The following SH3D19 variants were observed in gnomAD, a reference collection of about 807,000 sequenced individuals.
The protein encoded by SH3D19 is SH3 domain containing 19, also known as SH3 domain-containing protein 19.
In SH3D19, 58 loss-of-function variants were observed where a neutral mutation model predicts 112.1. That is an observed-to-expected ratio of 0.52 (90% CI 0.42 to 0.64). The LOEUF is 0.64. Ranked by LOEUF, SH3D19 falls within the 30% of genes least tolerant of loss-of-function variation. The pLI is 0.00. For missense variants in SH3D19, 1,090 were observed against 1,263.4 expected, an observed-to-expected ratio of 0.86 and a Z score of 2.08; for synonymous variants, 391 against 448.5, an observed-to-expected ratio of 0.87 and a Z score of 1.62.
intron 1 of SH3D19, among the ~76,000 whole-genome samples, chr4:151,313,888 T>G (rs989609300): frequency 6.6e-6 from 1 of 152,036 alleles, no homozygotes; most frequent in Non-Finnish European, 1.5e-5. Context: ...GGCCTTCGAG[T>G]GTTATGTGAA....
chr4:151,256,394 G>C (rs1255752828), intron 1 of SH3D19, among the ~76,000 whole-genome samples: 1 of 152,190 alleles, frequency 6.6e-6, no homozygotes, highest in Non-Finnish European at 1.5e-5. Context: ...TTTGAAAGAG[G>C]AAAGAGACAT....
At chr4:151,168,147 A>T (rs905817393) in intron 7 of SH3D19, among the ~76,000 whole-genome samples, 2 of 152,206 alleles carry the variant, frequency 1.3e-5, no homozygotes, top group African/African-American at 4.8e-5. Flanking sequence ...AATACATGTA[A>T]CAGATAAGCA....
At chr4:151,310,579 T>TC (rs1426184056) in intron 1 of SH3D19, among the ~76,000 whole-genome samples, 1 of 149,206 alleles carries the variant, frequency 6.7e-6, no homozygotes, top group African/African-American at 2.5e-5. Context: ...TCTCTCTCTC[T>TC]CTTTTTTTTT....
In SH3D19 at chr4:151,175,318, T is replaced by C; in HGVS notation, c.886A>G (p.Arg296Gly). 1.2e-6 allele frequency: 2 copies of C among 1,613,826 alleles called. No individual in the cohort carries two copies. The highest frequency in any genetic ancestry group is 1.7e-6 in the Non-Finnish European group (2 of 1,179,920). ...TEQSQNSIVS[R>G]IKVFEGQTNI... ...GTCTGACCCTCAAACACTTTAATTC[T>C]GGAAACAATACTATTTTGGCTTTGT... Residue 296 changes from arginine (R) to glycine (G), a missense_variant, in exon 7 of 20, where the codon AGA becomes GGA. By Grantham distance (125) the Arg-to-Gly change is moderately radical. Transcript: ENST00000604030.
chr4:151,191,732 A>G (rs2407424), intron 2 of SH3D19, among the ~76,000 whole-genome samples: 130,198 of 151,418 alleles, frequency 0.86, 56,729 homozygotes, highest in Non-Finnish European at 0.95. Flanking sequence ...TGCAAGCTTC[A>G]CCTCCCAGGT....
At chr4:151,310,243 G>A (rs1349947911) in intron 1 of SH3D19, among the ~76,000 whole-genome samples, 1 of 150,734 alleles carries the variant, frequency 6.6e-6, no homozygotes, top group African/African-American at 2.4e-5. Flanking sequence ...TACTGGTGGT[G>A]CACACCTGTA....
intron 1 of SH3D19, among the ~76,000 whole-genome samples, chr4:151,307,394 T>G (rs1729027421): frequency 6.6e-6 from 1 of 152,206 alleles, no homozygotes; most frequent in Non-Finnish European, 1.5e-5. Context: ...TGGCCAAATA[T>G]CCAAATCTAC....
intron 9 of SH3D19, among the ~76,000 whole-genome samples, chr4:151,158,519 C>G (rs1046337358): frequency 2.0e-5 from 3 of 151,950 alleles, no homozygotes; most frequent in African/African-American, 7.3e-5. Context: ...AGGCTCGTCT[C>G]GAACTCCTGA....
intron 9 of SH3D19, among the ~76,000 whole-genome samples, chr4:151,150,627 G>A (rs1014796296): frequency 2.6e-5 from 4 of 151,934 alleles, no homozygotes; most frequent in Non-Finnish European, 5.9e-5. Context: ...TCTAGCAAAA[G>A]GGCTGGATGG....
At chr4:151,161,644 T>TAA (rs1554040948) in intron 8 of SH3D19, among the ~76,000 whole-genome samples, 26 of 148,554 alleles carry the variant, frequency 1.8e-4, no homozygotes, top group Middle Eastern at 7.3e-3. Context: ...ATATATATTT[T>TAA]AATTATACTT....
In SH3D19 at chr4:151,174,792, G is replaced by T. The variant is rs761946820; in HGVS notation, c.1412C>A (p.Pro471Gln). The change falls in exon 7 of 20, where the codon CCA (proline) becomes CAA (glutamine). Residue 471 changes from proline to glutamine, a missense_variant. Pro to Gln is a moderately conservative substitution (Grantham distance 76). Coordinates refer to ENST00000604030, the MANE Select transcript of SH3D19 (RefSeq NM_001378122.1). ...GGGCTTGCTCTGCAGAACTGGAACTGGGGGGTTGGCTGGGGGCCCTTCTCC... is the reference window on the plus strand; with the variant it reads ...GGGCTTGCTCTGCAGAACTGGAACTTGGGGGTTGGCTGGGGGCCCTTCTCC... The part of the protein sequence containing the change: ...SLGEGPPANP[P>Q]VPVLQSKPLV... 1 of 1,557,382 alleles carries T rather than the reference G, an allele frequency of 6.4e-7. No individual in the cohort carries two copies. Among genetic ancestry groups the T allele is most frequent in the Non-Finnish European group, 8.7e-7 (1 of 1,154,758 alleles).
intron 2 of SH3D19, among the ~76,000 whole-genome samples, chr4:151,190,862 G>C (rs1762502469): frequency 6.6e-6 from 1 of 152,160 alleles, no homozygotes; most frequent in African/African-American, 2.4e-5. Flanking sequence ...CTGTCCTCCA[G>C]ACCCCAGAAC....
chr4:151,314,467 TA>T (rs775457821), intron 1 of SH3D19, among the ~76,000 whole-genome samples: 1 of 152,026 alleles, frequency 6.6e-6, no homozygotes, highest in Admixed American at 6.6e-5. Flanking sequence ...TCCAAAGATG[TA>T]AAAAAACGGT....
chr4:151,255,189 A>G (rs1771759805), intron 1 of SH3D19, among the ~76,000 whole-genome samples: 1 of 148,226 alleles, frequency 6.7e-6, no homozygotes, highest in African/African-American at 2.5e-5. Context: ...CACTTCCCAG[A>G]TGGGGTGGCT....
At chr4:151,212,577 C>A (rs1394939446) in intron 2 of SH3D19, among the ~76,000 whole-genome samples, 1 of 152,242 alleles carries the variant, frequency 6.6e-6, no homozygotes. Flanking sequence ...TAAGCCCACT[C>A]TTGAGACCTA....
intron 1 of SH3D19, chr4:151,291,157 G>A: frequency 6.2e-7 from 1 of 1,613,704 alleles, no homozygotes; most frequent in Non-Finnish European, 8.5e-7. Flanking sequence ...CATTGATGGT[G>A]TATGGATCCA....
Position 151,176,927 on chromosome 4 carries a change from C to G in SH3D19, c.265G>C (p.Glu89Gln), listed in dbSNP as rs1313769106. ...RRPEITIVAA[E>Q]PLRPASWFPG... The stretch of plus-strand genomic sequence containing the variant: ...AACCACGAGGCTGGCCTCAGTGGCT[C>G]AGCTGCCACAATGGTGATCTCTGGG... The change falls in exon 5 of 20, where the codon GAG becomes CAG. Residue 89 changes from glutamate (E) to glutamine (Q), a missense_variant. Physicochemically the swap from Glu to Gln is conservative, Grantham distance 29 (BLOSUM62 2). Coordinates refer to ENST00000604030, the MANE Select transcript of SH3D19 (RefSeq NM_001378122.1). 7 of 1,232,120 alleles carry G rather than the reference C, an allele frequency of 5.7e-6. No homozygotes were observed. The highest frequency in any genetic ancestry group is 6.1e-6 in the Non-Finnish European group (6 of 987,998). 76.3% of individuals were successfully genotyped at this position (1,232,120 alleles called of 1,614,324 possible).
At chr4:151,143,099 T>TG (rs1429588511) in intron 12 of SH3D19, among the ~76,000 whole-genome samples, 1 of 151,992 alleles carries the variant, frequency 6.6e-6, no homozygotes, top group African/African-American at 2.4e-5. Context: ...TTGCCAGGCA[T>TG]GGTGGTGCAC....
chr4:151,247,386 G>A (rs1213399615), intron 1 of SH3D19, among the ~76,000 whole-genome samples: 1 of 152,170 alleles, frequency 6.6e-6, no homozygotes, highest in South Asian at 2.1e-4. Context: ...GGAAAGGAGG[G>A]TAGCTCTATG....
Sources: allele counts gnomAD v4.1 joint callset (sites outside exome capture counted in the v4.1 genomes callset), GRCh38; gene constraint gnomAD v4.1.1; transcripts MANE v1.5; gene names NCBI Gene and HGNC (gene_info 2026-07-23, HGNC 2026-07-21).